Variants in CHST11 observed in about 807,000 individuals in gnomAD.
CHST11 encodes C4S-1.
CHST11 carries 9 observed loss-of-function variants against 30.4 expected under a neutral mutation model. That is an observed-to-expected ratio of 0.30 (90% CI 0.18 to 0.52). CHST11 has a LOEUF of 0.52. Among genes scored for constraint, CHST11 ranks in the 20% least tolerant of loss-of-function variants. The probability of loss-of-function intolerance (pLI) is 0.97; values close to 1 mark genes in which losing one functional copy is unlikely to be tolerated. For missense variants in CHST11, 348 were observed against 460.6 expected, an observed-to-expected ratio of 0.76 and a Z score of 2.24; for synonymous variants, 152 against 187.8, an observed-to-expected ratio of 0.81 and a Z score of 1.56.
intron 1 of CHST11, among the ~76,000 whole-genome samples, chr12:104,462,610 C>T (rs1446758876): frequency 6.6e-6 from 1 of 152,074 alleles, no homozygotes; most frequent in Admixed American, 6.6e-5. Context: ...TGGAGTCTTA[C>T]CAATTTGTAG....
intron 2 of CHST11, among the ~76,000 whole-genome samples, chr12:104,716,318 C>A (rs1427488688): frequency 6.6e-6 from 1 of 152,200 alleles, no homozygotes; most frequent in African/African-American, 2.4e-5. Context: ...GAAGCACTGC[C>A]TGGGTTCCAA....
chr12:104,684,329 T>C (rs187613922), intron 2 of CHST11, among the ~76,000 whole-genome samples: 4 of 152,074 alleles, frequency 2.6e-5, no homozygotes, highest in Admixed American at 1.3e-4. Flanking sequence ...AGTGGATGGA[T>C]AGATGGACAG....
At position 104,676,861 on chromosome 12, in the gene CHST11, G is replaced by A. The variant is rs372395648; in HGVS notation, c.204+74870G>A. The stretch of plus-strand genomic sequence containing the variant: ...GGGATTAGGATGCGGCCTTTTGGGC[G>A]TGTCATTCTGCCTAGCACAGATGGC... On this transcript the variant is annotated intron_variant, in intron 2 of 2. Coordinates refer to ENST00000303694, the MANE Select transcript of CHST11 (RefSeq NM_018413.6). This position sits in a 1 kb window ranked among gnomAD's most constrained non-coding sequence, Gnocchi z 4.4. 1.3e-5 allele frequency among the ~76,000 whole-genome samples: 2 copies of A among 152,194 alleles called. No individual in the cohort carries two copies. Among genetic ancestry groups the A allele is most frequent in the African/African-American group, 2.4e-5 (1 of 41,446 alleles).
intron 2 of CHST11, among the ~76,000 whole-genome samples, chr12:104,713,752 T>C (rs1208478262): frequency 6.6e-6 from 1 of 152,206 alleles, no homozygotes; most frequent in Non-Finnish European, 1.5e-5. Flanking sequence ...TACCCCATGA[T>C]GCTGCAGTTC....
chr12:104,679,048 G>A (rs545758140), intron 2 of CHST11, among the ~76,000 whole-genome samples: 7 of 152,308 alleles, frequency 4.6e-5, no homozygotes, highest in Admixed American at 2.0e-4. Flanking sequence ...GATGTCGTTG[G>A]TACTCAGTAG....
rs185355555 is a variant in CHST11 at position 104,733,159 on chromosome 12, G to T, written c.205-23790G>T. On this transcript the variant is annotated intron_variant, in intron 2 of 2. Coordinates refer to ENST00000303694, the MANE Select transcript of CHST11 (RefSeq NM_018413.6). ...TTCCCACAATGCTGTTCTGCCACCG[G>T]GTTCTTTAACTGGAAGATGATGTAG... Among the ~76,000 whole-genome samples, 377 of 152,274 alleles carry T rather than the reference G, an allele frequency of 2.5e-3. 2 individuals carry two copies. The highest frequency in any genetic ancestry group is 8.0e-3 in the African/African-American group (333 of 41,550).
chr12:104,497,697 G>C (rs752465124), intron 1 of CHST11, among the ~76,000 whole-genome samples: 1 of 151,978 alleles, frequency 6.6e-6, no homozygotes, highest in African/African-American at 2.4e-5. Context: ...CCTTCTTACC[G>C]TATGTCCACA....
intron 2 of CHST11, among the ~76,000 whole-genome samples, chr12:104,678,788 T>C (rs939989605): frequency 3.3e-5 from 5 of 152,186 alleles, no homozygotes; most frequent in Admixed American, 3.3e-4. Flanking sequence ...TGAGCATTAA[T>C]TGAGCATCTA....
intron 2 of CHST11, among the ~76,000 whole-genome samples, chr12:104,645,097 G>A (rs928383307): frequency 6.6e-6 from 1 of 152,008 alleles, no homozygotes; most frequent in East Asian, 1.9e-4. Context: ...ACAGGCACCC[G>A]CCACCACGCC....
intron 1 of CHST11, among the ~76,000 whole-genome samples, chr12:104,462,167 CAAAAAAA>C (rs796356338): frequency 4.6e-5 from 3 of 65,596 alleles, no homozygotes; most frequent in African/African-American, 1.0e-4. Context: ...AACACCATCT[CAAAAAAA>C]AAAAAAAAAA....
rs79422992 is a variant in CHST11, at chr12:104,491,049, A to G, written c.118+33520A>G. Reference sequence around the variant, plus strand: ...TTTTTTTTTTGATCTCCGTCTTAACATCTAGCCTACTGGAGGAAGTGTATT... The same window carrying G: ...TTTTTTTTTTGATCTCCGTCTTAACGTCTAGCCTACTGGAGGAAGTGTATT... On this transcript the variant is annotated intron_variant, in intron 1 of 2. Transcript: ENST00000303694. Among the ~76,000 whole-genome samples the G allele has an allele frequency of 8.3e-3, 1,247 of 151,098 alleles. 16 individuals are homozygous for G. Among genetic ancestry groups the G allele is most frequent in the African/African-American group, 0.028 (1,154 of 41,116 alleles).
chr12:104,667,837 G>A (rs999768746), intron 2 of CHST11, among the ~76,000 whole-genome samples: 65 of 152,182 alleles, frequency 4.3e-4, no homozygotes, highest in African/African-American at 1.4e-3. Flanking sequence ...AGCACCTGGC[G>A]AGCTTTCAAA....
intron 2 of CHST11, among the ~76,000 whole-genome samples, chr12:104,689,669 C>T (rs1275954482): frequency 6.6e-6 from 1 of 152,196 alleles, no homozygotes; most frequent in Non-Finnish European, 1.5e-5. Flanking sequence ...GTTGGGGAGA[C>T]AGCTGTCCTT....
chr12:104,562,922 C>T (rs1375606973), intron 1 of CHST11, among the ~76,000 whole-genome samples: 1 of 152,210 alleles, frequency 6.6e-6, no homozygotes, highest in African/African-American at 2.4e-5. Flanking sequence ...TCTTGATTCT[C>T]CACTGTGTTG....
At chr12:104,654,927 T>G (rs1320194508) in intron 2 of CHST11, among the ~76,000 whole-genome samples, 1 of 151,306 alleles carries the variant, frequency 6.6e-6, no homozygotes, top group Non-Finnish European at 1.5e-5. Flanking sequence ...ATCCTCATTA[T>G]AATGACTGAA....
intron 2 of CHST11, among the ~76,000 whole-genome samples, chr12:104,664,490 C>T (rs1258421043): frequency 1.3e-5 from 2 of 152,168 alleles, no homozygotes; most frequent in African/African-American, 4.8e-5. Flanking sequence ...ATATAACACA[C>T]AGCCCAGCCC....
intron 1 of CHST11, among the ~76,000 whole-genome samples, chr12:104,461,273 C>T (rs911857992): frequency 2.0e-5 from 3 of 152,164 alleles, no homozygotes; most frequent in Non-Finnish European, 4.4e-5. Context: ...CTTGTTTAGC[C>T]ACTTAGATGG....
chr12:104,629,757 G>C (rs2039254041), intron 2 of CHST11, among the ~76,000 whole-genome samples: 1 of 152,216 alleles, frequency 6.6e-6, no homozygotes, highest in Non-Finnish European at 1.5e-5. Flanking sequence ...AGGAGGTGGA[G>C]GTTGCAGTGA....
At chr12:104,661,718 T>A (rs1268518427) in intron 2 of CHST11, among the ~76,000 whole-genome samples, 1 of 152,206 alleles carries the variant, frequency 6.6e-6, no homozygotes, top group Admixed American at 6.5e-5. Context: ...ACAGCAGTAG[T>A]GGTGAAGGTG....
Sources: allele counts gnomAD v4.1 joint callset (sites outside exome capture counted in the v4.1 genomes callset), GRCh38; gene constraint gnomAD v4.1.1; non-coding constraint Gnocchi (gnomAD v3.1); transcripts MANE v1.5; gene names NCBI Gene and HGNC (gene_info 2026-07-23, HGNC 2026-07-21).